Variants in NHEJ1 observed in about 807,000 individuals in gnomAD.
NHEJ1 encodes the protein non-homologous end-joining factor 1.
Under a neutral mutation model 39.4 loss-of-function variants are expected in NHEJ1, and 22 were observed. The observed-to-expected ratio is 0.56, with a 90% CI of 0.40 to 0.80. The LOEUF is 0.80. NHEJ1 is among the 30% of genes least tolerant of loss of function. NHEJ1 has a pLI of 0.00. For synonymous variants in NHEJ1, 154 were observed against 135.6 expected (o/e 1.14, Z -0.94); for missense variants, 329 against 357.1 (o/e 0.92, Z 0.63).
At position 219,157,729 on chromosome 2, in the gene NHEJ1, C is replaced by T. The variant is rs755668157; in HGVS notation, c.178-45G>A. 2.0e-6 allele frequency: 3 copies of T among 1,494,396 alleles called. No individual in the cohort carries two copies. The East Asian group carries it at 6.9e-5, about 34-fold the overall frequency. 92.6% of individuals were successfully genotyped at this position (1,494,396 alleles called of 1,614,324 possible). A position where few individuals can be genotyped will look rare whatever the true frequency, so the allele number is the denominator to read the frequency against. ...ACAGAGTAAGGGTGCTAAAAGGAAA[C>T]TAATTCCCTCATAAGTAACAGCAAA... On this transcript the variant is annotated intron_variant, in intron 2 of 7. Transcript: ENST00000356853.
rs1287157761 is a variant in NHEJ1 at position 219,074,378 on chromosome 2, C to T, written c.*2003G>A. On this transcript the variant is annotated 3_prime_UTR_variant, in exon 8 of 8. Transcript: ENST00000356853. Reference sequence around the variant, plus strand: ...AGAACCGGTATTTTCTCCAAGCTTGCAGGGGAAGCCTTTCCATTTTCCATG... The same window carrying T: ...AGAACCGGTATTTTCTCCAAGCTTGTAGGGGAAGCCTTTCCATTTTCCATG... Among the ~76,000 whole-genome samples, 4 of 152,166 alleles carry T rather than the reference C, an allele frequency of 2.6e-5. No homozygotes were observed. The highest frequency in any genetic ancestry group is 6.5e-5 in the Admixed American group (1 of 15,268).
At chr2:219,147,217 C>T (rs907145591) in intron 4 of NHEJ1, among the ~76,000 whole-genome samples, 8 of 152,338 alleles carry the variant, frequency 5.3e-5, no homozygotes, top group South Asian at 4.1e-4. Flanking sequence ...CGGTGGCTCA[C>T]GCCTGTAATC....
At chr2:219,097,163 A>AG (rs1949216272) in intron 5 of NHEJ1, among the ~76,000 whole-genome samples, 2 of 152,218 alleles carry the variant, frequency 1.3e-5, no homozygotes, top group African/African-American at 4.8e-5. Context: ...CTAAGCTATA[A>AG]TGTTCTATAG....
In NHEJ1 at chr2:219,111,644, C is replaced by CACACAT. The variant is rs1949366174; in HGVS notation, c.589-33439_589-33438insATGTGT. On this transcript the variant is annotated intron_variant, in intron 5 of 7. Coordinates refer to ENST00000356853, the MANE Select transcript of NHEJ1 (RefSeq NM_024782.3). This position sits in a 1 kb window ranked among gnomAD's most constrained non-coding sequence, Gnocchi z 4.1. Reference sequence around the variant, plus strand: ...GTGAATACAGACACACACACACACACACACACACACACACACACAGAGAGA... The same window carrying CACACAT: ...GTGAATACAGACACACACACACACACACACATACACACACACACACACACAGAGAGA... Among the ~76,000 whole-genome samples the CACACAT allele has an allele frequency of 6.6e-6, 1 of 151,418 alleles. No homozygotes were observed. The highest frequency in any genetic ancestry group is 2.1e-4 in the South Asian group (1 of 4,804).
At chr2:219,097,349 G>C (rs182470951) in intron 5 of NHEJ1, among the ~76,000 whole-genome samples, 8 of 152,330 alleles carry the variant, frequency 5.3e-5, no homozygotes, top group South Asian at 2.1e-4. Flanking sequence ...CAAGGTATTA[G>C]AGCAGAGGCA....
chr2:219,095,223 T>G (rs1309289239), intron 5 of NHEJ1: 1 of 451,502 alleles, frequency 2.2e-6, no homozygotes, highest in Non-Finnish European at 4.7e-6. Context: ...GTGGCTTTTG[T>G]AAGATCTGTG....
chr2:219,120,243 T>C (rs1949458699), intron 5 of NHEJ1, among the ~76,000 whole-genome samples: 1 of 152,164 alleles, frequency 6.6e-6, no homozygotes, highest in Admixed American at 6.5e-5. Context: ...GCCCCTATTA[T>C]ATGCCAGCCA....
chr2:219,072,056 G>C lies in NHEJ1; in HGVS notation c.*4325C>G, dbSNP rs986687631. On this transcript the variant is annotated 3_prime_UTR_variant, in exon 8 of 8. Transcript: ENST00000356853. Reference sequence around the variant, plus strand: ...ATGGGATGAAAGATCAAGAAAGATGGACTTCTAGATGTTCAAATAGAGAAG... The same window carrying C: ...ATGGGATGAAAGATCAAGAAAGATGCACTTCTAGATGTTCAAATAGAGAAG... 2.0e-5 allele frequency among the ~76,000 whole-genome samples: 3 copies of C among 152,158 alleles called. No individual in the cohort carries two copies. The highest frequency in any genetic ancestry group is 4.4e-5 in the Non-Finnish European group (3 of 68,030).
At chr2:219,141,067 T>C (rs1455262457) in intron 5 of NHEJ1, among the ~76,000 whole-genome samples, 1 of 152,074 alleles carries the variant, frequency 6.6e-6, no homozygotes. Flanking sequence ...TAGGAGGCTG[T>C]TGCATGGTCA....
chr2:219,111,628 GAC>G lies in NHEJ1; in HGVS notation c.589-33424_589-33423del, dbSNP rs368706049. ...GAATTAAGTCTACAGTGTGAATACA[GAC>G]ACACACACACACACACACACACACA... On this transcript the variant is annotated intron_variant, in intron 5 of 7. Transcript: ENST00000356853. This position sits in a 1 kb window ranked among gnomAD's most constrained non-coding sequence, Gnocchi z 4.1. Among the ~76,000 whole-genome samples the G allele has an allele frequency of 0.02, 2,807 of 138,408 alleles. 45 individuals carry two copies. The highest frequency in any genetic ancestry group is 0.031 in the Non-Finnish European group (2,007 of 64,908). 90.8% of individuals were successfully genotyped at this position (138,408 alleles called of 152,430 possible). A position where few individuals can be genotyped will look rare whatever the true frequency, so the allele number is the denominator to read the frequency against.
intron 5 of NHEJ1, among the ~76,000 whole-genome samples, chr2:219,137,071 G>GAAA (rs769632691): frequency 7.7e-5 from 5 of 64,966 alleles, no homozygotes; most frequent in Non-Finnish European, 1.3e-4. Flanking sequence ...CTCTTCTTGA[G>GAAA]AAAAAAAAAA....
intron 5 of NHEJ1, among the ~76,000 whole-genome samples, chr2:219,138,559 G>C (rs969796326): frequency 1.2e-4 from 18 of 152,180 alleles, no homozygotes; most frequent in African/African-American, 4.3e-4. Context: ...ACTATGTGTG[G>C]AGGCACTGTT....
Position 219,074,129 on chromosome 2 carries a change from GA to G in NHEJ1, c.*2251del, listed in dbSNP as rs1948990770. Reference sequence around the variant, plus strand: ...AACGTATTTAAGCAATACCCCAATGGAGACAGCAACCTTTGGGGATGATGGG... The same window carrying G: ...AACGTATTTAAGCAATACCCCAATGGGACAGCAACCTTTGGGGATGATGGG... On this transcript the variant is annotated 3_prime_UTR_variant, in exon 8 of 8. Coordinates refer to ENST00000356853, the MANE Select transcript of NHEJ1 (RefSeq NM_024782.3). Among the ~76,000 whole-genome samples, 1 of 152,260 alleles carries G rather than the reference GA, an allele frequency of 6.6e-6. No homozygotes were observed. Among genetic ancestry groups the G allele is most frequent in the East Asian group, 1.9e-4 (1 of 5,208 alleles).
intron 3 of NHEJ1, 63 bp from the exon 4 acceptor site, chr2:219,147,858 T>C: frequency 6.5e-7 from 1 of 1,531,442 alleles, no homozygotes; most frequent in Non-Finnish European, 9.0e-7. Flanking sequence ...AATTCAGTAT[T>C]AGGTACCAGA....
chr2:219,092,801 T>G (rs1949172918), intron 5 of NHEJ1, among the ~76,000 whole-genome samples: 1 of 152,088 alleles, frequency 6.6e-6, no homozygotes, highest in Non-Finnish European at 1.5e-5. Context: ...CAGTCAATGG[T>G]CTGCAGGAGT....
intron 5 of NHEJ1, among the ~76,000 whole-genome samples, chr2:219,082,868 C>A (rs1258900497): frequency 6.6e-6 from 1 of 152,176 alleles, no homozygotes; most frequent in Non-Finnish European, 1.5e-5. Flanking sequence ...CCCTTGGGAG[C>A]CCAGGTCTCC....
In NHEJ1 at chr2:219,075,436, A is replaced by G. The variant is rs1949003567; in HGVS notation, c.*945T>C. 6.6e-6 allele frequency: 1 copy of G among 152,188 alleles called. No individual in the cohort carries two copies. The highest frequency in any genetic ancestry group is 1.5e-5 in the Non-Finnish European group (1 of 68,026). The allele number at this position is 152,188 out of a possible 1,614,324, so 9.4% of individuals were successfully genotyped here. ...AGGATATTTGAATAAGGAGGCATTT[A>G]ACCATCGAAAGTAAATAAACCAGAA... On this transcript the variant is annotated 3_prime_UTR_variant, in exon 8 of 8. Transcript: ENST00000356853.
At chr2:219,113,554 A>T (rs529189268) in intron 5 of NHEJ1, among the ~76,000 whole-genome samples, 2 of 152,276 alleles carry the variant, frequency 1.3e-5, no homozygotes, top group South Asian at 4.1e-4. Context: ...CCTTCTTCAG[A>T]GGCTCCAGAT....
chr2:219,102,983 C>T (rs1288921021), intron 5 of NHEJ1, among the ~76,000 whole-genome samples: 4 of 111,314 alleles, frequency 3.6e-5, no homozygotes, highest in Admixed American at 2.5e-4. Context: ...CCAGCCTGGG[C>T]GACAGAGCGA....
Sources: allele counts gnomAD v4.1 joint callset (sites outside exome capture counted in the v4.1 genomes callset), GRCh38; gene constraint gnomAD v4.1.1; non-coding constraint Gnocchi (gnomAD v3.1); transcripts MANE v1.5; gene names NCBI Gene and HGNC (gene_info 2026-07-23, HGNC 2026-07-21).